The following EPB41L4B variants were observed in gnomAD, a reference collection of about 807,000 sequenced individuals.
EPB41L4B encodes the protein erythrocyte membrane protein band 4.1 like 4B.
EPB41L4B carries 30 observed loss-of-function variants against 112.5 expected under a neutral mutation model. The ratio of observed to expected loss-of-function variants is 0.27; its 90% CI spans 0.20 to 0.36. The LOEUF is 0.36. Ranked by LOEUF, EPB41L4B falls within the 10% of genes least tolerant of loss-of-function variation. EPB41L4B has a pLI of 1.00. For synonymous variants in EPB41L4B, 408 were observed against 439.7 expected, an observed-to-expected ratio of 0.93 and a Z score of 0.90; for missense variants, 1,024 against 1,133.3, an observed-to-expected ratio of 0.90 and a Z score of 1.38.
intron 15 of EPB41L4B, chr9:109,240,959 G>C: frequency 1.0e-6 from 1 of 985,408 alleles, no homozygotes; most frequent in Non-Finnish European, 1.2e-6. Flanking sequence ...TAAATTCAAA[G>C]TAGCTCAACT....
intron 1 of EPB41L4B, among the ~76,000 whole-genome samples, chr9:109,281,007 A>G (rs1220824174): frequency 6.6e-6 from 1 of 152,214 alleles, no homozygotes; most frequent in Non-Finnish European, 1.5e-5. Flanking sequence ...TAAAACTCTC[A>G]GAATAAAACA....
At chr9:109,250,602 G>C (rs975639478) in intron 13 of EPB41L4B, among the ~76,000 whole-genome samples, 16 of 152,208 alleles carry the variant, frequency 1.1e-4, no homozygotes, top group African/African-American at 3.9e-4. Context: ...GTTTCAGAGA[G>C]AGCAAGAGCG....
intron 16 of EPB41L4B, among the ~76,000 whole-genome samples, chr9:109,216,277 C>T (rs971135859): frequency 1.3e-5 from 2 of 151,586 alleles, no homozygotes; most frequent in African/African-American, 2.4e-5. Context: ...TTTTTTTCGT[C>T]CAGCTCTTTT....
chr9:109,214,695 A>G (rs1290833269), intron 16 of EPB41L4B, among the ~76,000 whole-genome samples: 2 of 152,184 alleles, frequency 1.3e-5, no homozygotes, highest in Admixed American at 6.5e-5. Context: ...TTGTAAGAAG[A>G]GAGTAGTTCT....
intron 2 of EPB41L4B, among the ~76,000 whole-genome samples, chr9:109,273,350 G>A (rs1045651586): frequency 6.6e-6 from 1 of 152,122 alleles, no homozygotes; most frequent in East Asian, 1.9e-4. Flanking sequence ...GGGTTCAAGT[G>A]ATTCTCCTGC....
Position 109,263,078 on chromosome 9 carries a change from A to G in EPB41L4B, c.603T>C (p.Ala201=). The part of the protein sequence containing the change: ...SGKLKCPYET[A]VELAALCLQA... The stretch of plus-strand genomic sequence containing the variant: ...GTAGACAGAGAGCAGCTAATTCCAC[A>G]GCTGTTTCATAAGGGCATTTCAATC... The change falls in exon 6 of 26, where the codon GCT becomes GCC. Residue 201 remains alanine (A), a synonymous_variant. Coordinates refer to ENST00000374566, the MANE Select transcript of EPB41L4B (RefSeq NM_019114.5). The G allele has an allele frequency of 6.3e-7, 1 of 1,597,298 alleles. No homozygotes were observed.
intron 17 of EPB41L4B, among the ~76,000 whole-genome samples, chr9:109,210,483 G>A (rs1564267757): frequency 1.3e-5 from 2 of 152,162 alleles, no homozygotes; most frequent in Non-Finnish European, 2.9e-5. Flanking sequence ...AGTAATGACC[G>A]AAGACCCACT....
At chr9:109,266,933 C>A (rs117795174) in intron 4 of EPB41L4B, among the ~76,000 whole-genome samples, 1 of 133,650 alleles carries the variant, frequency 7.5e-6, no homozygotes, top group East Asian at 2.2e-4. Flanking sequence ...CATGCCACTG[C>A]ACTCCAACCT....
intron 7 of EPB41L4B, among the ~76,000 whole-genome samples, chr9:109,257,797 C>A (rs1423198126): frequency 6.6e-6 from 1 of 152,120 alleles, no homozygotes; most frequent in Non-Finnish European, 1.5e-5. Context: ...GAGTTTGAGA[C>A]CAGCCTAGGC....
At chr9:109,223,234 G>C (rs752439239) in intron 15 of EPB41L4B, among the ~76,000 whole-genome samples, 2 of 152,068 alleles carry the variant, frequency 1.3e-5, no homozygotes, top group Non-Finnish European at 2.9e-5. Context: ...GGGCCTAGGA[G>C]TTCGAGACCG....
intron 2 of EPB41L4B, among the ~76,000 whole-genome samples, chr9:109,269,936 A>G (rs1023688255): frequency 2.0e-5 from 3 of 152,228 alleles, no homozygotes; most frequent in African/African-American, 7.2e-5. Context: ...CGAACAACAG[A>G]TGATTGATAA....
intron 16 of EPB41L4B, among the ~76,000 whole-genome samples, chr9:109,214,843 T>C (rs773647391): frequency 1.3e-5 from 2 of 152,194 alleles, no homozygotes; most frequent in Non-Finnish European, 2.9e-5. Context: ...AAAGGTCTTA[T>C]GGCATGTGGT....
intron 20 of EPB41L4B, chr9:109,196,344 A>T (rs1588127971): frequency 6.6e-6 from 1 of 152,122 alleles, no homozygotes; most frequent in East Asian, 1.9e-4. Context: ...CACTATGTTT[A>T]AATAAACAGT....
intron 15 of EPB41L4B, chr9:109,240,654 A>T: frequency 4.1e-6 from 4 of 985,470 alleles, no homozygotes; most frequent in Non-Finnish European, 4.8e-6. Context: ...CTACCAACAG[A>T]CTAGGGCAAC....
chr9:109,306,614 AC>A (rs1837206769), intron 1 of EPB41L4B, among the ~76,000 whole-genome samples: 6 of 144,976 alleles, frequency 4.1e-5, no homozygotes, highest in Admixed American at 4.1e-4. Flanking sequence ...AAAAAAACAA[AC>A]AAACAAACAA....
At chr9:109,248,376 C>T (rs931642423) in intron 13 of EPB41L4B, among the ~76,000 whole-genome samples, 4 of 152,190 alleles carry the variant, frequency 2.6e-5, no homozygotes, top group Admixed American at 2.0e-4. Context: ...TTAATCCACA[C>T]GACAAGGCTA....
chr9:109,183,577 A>G (rs1832143937), intron 23 of EPB41L4B, among the ~76,000 whole-genome samples: 2 of 152,284 alleles, frequency 1.3e-5, no homozygotes, highest in South Asian at 4.1e-4. Flanking sequence ...GAACTTGGGA[A>G]ATGGAAGGGC....
intron 23 of EPB41L4B, among the ~76,000 whole-genome samples, chr9:109,185,097 A>G (rs1390996408): frequency 6.6e-6 from 1 of 152,266 alleles, no homozygotes; most frequent in Non-Finnish European, 1.5e-5. Flanking sequence ...TAGCACTCCT[A>G]TTACATCATT....
At chr9:109,192,063 C>T (rs1374632509) in intron 22 of EPB41L4B, among the ~76,000 whole-genome samples, 1 of 152,162 alleles carries the variant, frequency 6.6e-6, no homozygotes. Context: ...CCCACAACTA[C>T]CCTCGGAGCA....
Sources: allele counts gnomAD v4.1 joint callset (sites outside exome capture counted in the v4.1 genomes callset), GRCh38; gene constraint gnomAD v4.1.1; transcripts MANE v1.5; gene names NCBI Gene and HGNC (gene_info 2026-07-23, HGNC 2026-07-21).